The following KIAA0825 variants were observed in gnomAD, a reference collection of about 807,000 sequenced individuals.
The protein encoded by KIAA0825 is KIAA0825, also known as uncharacterized protein KIAA0825.
KIAA0825 carries 119 observed loss-of-function variants against 147.6 expected under a neutral mutation model. The observed-to-expected ratio is 0.81, with a 90% confidence interval of 0.69 to 0.94. The LOEUF (loss-of-function observed/expected upper bound fraction) is 0.94. Ranked by LOEUF, KIAA0825 falls within the 40% of genes least tolerant of loss-of-function variation. The pLI is 0.00. For missense variants in KIAA0825, 1,381 were observed against 1,472.7 expected, an observed-to-expected ratio of 0.94 and a Z score of 1.02; for synonymous variants, 470 against 518.1, an observed-to-expected ratio of 0.91 and a Z score of 1.26.
intron 20 of KIAA0825, among the ~76,000 whole-genome samples, chr5:94,213,301 C>T (rs1352968649): frequency 6.6e-6 from 1 of 152,098 alleles, no homozygotes; most frequent in Admixed American, 6.5e-5. Flanking sequence ...ATATTATCTA[C>T]TATATAATAA....
chr5:94,368,835 T>TG (rs1456670028), intron 20 of KIAA0825, among the ~76,000 whole-genome samples: 2 of 152,156 alleles, frequency 1.3e-5, no homozygotes, highest in African/African-American at 4.8e-5. Flanking sequence ...ATAATTATGA[T>TG]GGTTGGACTT....
chr5:94,520,724 C>G lies in KIAA0825; in HGVS notation c.494G>C (p.Arg165Thr), dbSNP rs776509719. The stretch of plus-strand genomic sequence containing the variant: ...CACTAAGAAGCGTCGAAGATGCAGT[C>G]TTATATCATCCCACATAGACTTGAC... ...MDVKSMWDDI[R>T]LHLRRFLVSK... is the part of the protein sequence containing the mutation. The change falls in exon 5 of 21, where the codon AGA becomes ACA. Residue 165 changes from arginine to threonine, a missense_variant. Transcript: ENST00000682413. 9 of 1,613,354 alleles carry G rather than the reference C, an allele frequency of 5.6e-6. No homozygotes were observed. The highest frequency in any genetic ancestry group is 1.7e-4 in the Middle Eastern group (1 of 6,060).
At chr5:94,192,224 G>C (rs1271083906) in intron 20 of KIAA0825, among the ~76,000 whole-genome samples, 1 of 152,190 alleles carries the variant, frequency 6.6e-6, no homozygotes, top group African/African-American at 2.4e-5. Context: ...TTAACCCTAT[G>C]AAGTTATTAG....
intron 11 of KIAA0825, 144 bp downstream of exon 11, chr5:94,464,725 T>C (rs1340421471): frequency 2.8e-6 from 2 of 704,168 alleles, no homozygotes; most frequent in Non-Finnish European, 4.4e-6. Flanking sequence ...CTTAAATAAC[T>C]CAGGAGAATA....
intron 20 of KIAA0825, among the ~76,000 whole-genome samples, chr5:94,359,085 A>G (rs1744710282): frequency 6.6e-6 from 1 of 152,234 alleles, no homozygotes; most frequent in South Asian, 2.1e-4. Context: ...AATGTCAACA[A>G]TGACTAAGCA....
intron 2 of KIAA0825, among the ~76,000 whole-genome samples, chr5:94,581,889 A>G (rs1278672374): frequency 1.3e-5 from 2 of 152,172 alleles, no homozygotes; most frequent in African/African-American, 4.8e-5. Context: ...CCTTTTATAA[A>G]TTATTCGTCT....
At chr5:94,246,056 G>T (rs1775594218) in intron 20 of KIAA0825, among the ~76,000 whole-genome samples, 1 of 151,962 alleles carries the variant, frequency 6.6e-6, no homozygotes, top group Non-Finnish European at 1.5e-5. Context: ...TCACAATAAT[G>T]GTATCTTAGT....
At chr5:94,245,384 G>C (rs936388094) in intron 20 of KIAA0825, among the ~76,000 whole-genome samples, 1 of 152,138 alleles carries the variant, frequency 6.6e-6, no homozygotes, top group Non-Finnish European at 1.5e-5. Context: ...TGAGAAATGA[G>C]AGATGAATGG....
At chr5:94,469,462 G>A (rs752410330) in intron 10 of KIAA0825, among the ~76,000 whole-genome samples, 14 of 152,016 alleles carry the variant, frequency 9.2e-5, no homozygotes, top group Non-Finnish European at 1.8e-4. Flanking sequence ...GTGAGCCACC[G>A]CACCCGGCCT....
chr5:94,460,542 A>C (rs1759689918), intron 12 of KIAA0825, among the ~76,000 whole-genome samples: 1 of 152,138 alleles, frequency 6.6e-6, no homozygotes, highest in African/African-American at 2.4e-5. Flanking sequence ...GATACAGTTT[A>C]TAAAAATTCA....
intron 20 of KIAA0825, among the ~76,000 whole-genome samples, chr5:94,311,735 C>A (rs917995445): frequency 6.6e-6 from 1 of 151,674 alleles, no homozygotes; most frequent in Non-Finnish European, 1.5e-5. Context: ...GCTCTCCTTA[C>A]GAGCCAATCC....
chr5:94,450,451 G>A (rs1758259200), intron 13 of KIAA0825, among the ~76,000 whole-genome samples: 1 of 150,276 alleles, frequency 6.7e-6, no homozygotes, highest in Non-Finnish European at 1.5e-5. Flanking sequence ...CACAGACTGG[G>A]TAATTTACAA....
intron 13 of KIAA0825, among the ~76,000 whole-genome samples, chr5:94,444,993 G>A (rs2150868849): frequency 6.6e-6 from 1 of 152,248 alleles, no homozygotes; most frequent in East Asian, 1.9e-4. Flanking sequence ...GGCAGAAGGT[G>A]AAGAGAAAGC....
At chr5:94,604,956 C>A (rs1787212421) in intron 1 of KIAA0825, among the ~76,000 whole-genome samples, 1 of 151,730 alleles carries the variant, frequency 6.6e-6, no homozygotes, top group South Asian at 2.1e-4. Flanking sequence ...TCAACAAATC[C>A]AGGAGCTGGA....
intron 2 of KIAA0825, among the ~76,000 whole-genome samples, chr5:94,540,969 T>A (rs977232852): frequency 1.3e-5 from 2 of 152,186 alleles, no homozygotes; most frequent in African/African-American, 4.8e-5. Flanking sequence ...TAAATTTTTA[T>A]CCTAAAGTAA....
At chr5:94,413,229 C>G (rs530847284) in intron 15 of KIAA0825, 2 of 152,062 alleles carry the variant, frequency 1.3e-5, no homozygotes, top group Non-Finnish European at 2.9e-5. Flanking sequence ...GGATTACAGG[C>G]GTGAGCCACC....
intron 20 of KIAA0825, among the ~76,000 whole-genome samples, chr5:94,172,079 T>C (rs1768674230): frequency 6.6e-6 from 1 of 152,110 alleles, no homozygotes; most frequent in African/African-American, 2.4e-5. Flanking sequence ...CATATAATAA[T>C]AAAACAGATG....
In KIAA0825 at chr5:94,471,537, G is replaced by T; in HGVS notation, c.1650C>A (p.Tyr550Ter). The T allele has an allele frequency of 1.3e-6, 2 of 1,552,026 alleles. No homozygotes were observed. Among genetic ancestry groups the T allele is most frequent in the Non-Finnish European group, 1.7e-6 (2 of 1,147,068 alleles). The change falls in exon 9 of 21, where the codon TAC becomes TAA. Residue 550 changes from tyrosine to a stop codon, truncating the protein, a stop_gained. Coordinates refer to ENST00000682413, the MANE Select transcript of KIAA0825 (RefSeq NM_001145678.3). LOFTEE classifies it high-confidence loss of function. ...SKAPLKNLHTYLSTAVYVFQH... is the reference protein window; with the variant it reads ...SKAPLKNLHT The stretch of plus-strand genomic sequence containing the variant: ...GGAAGACATACACCGCTGTGGAGAG[G>T]TATGTGTGCAAGTTTTTCAGGGGTG...
chr5:94,438,765 G>T, intron 14 of KIAA0825, among the ~76,000 whole-genome samples: 1 of 152,180 alleles, frequency 6.6e-6, no homozygotes, highest in East Asian at 1.9e-4. Context: ...TATCAGAAAT[G>T]ACTGAAGCTA....
Sources: allele counts gnomAD v4.1 joint callset (sites outside exome capture counted in the v4.1 genomes callset), GRCh38; gene constraint gnomAD v4.1.1; transcripts MANE v1.5; gene names NCBI Gene and HGNC (gene_info 2026-07-23, HGNC 2026-07-21).